Variants in PCNT observed in about 807,000 individuals in gnomAD.
The protein encoded by PCNT is pericentrin.
In PCNT, 319 loss-of-function variants were observed where a neutral mutation model predicts 380.4. The ratio of observed to expected loss-of-function variants is 0.84; its 90% confidence interval spans 0.77 to 0.92. The LOEUF (loss-of-function observed/expected upper bound fraction) is 0.92, where lower values mean the gene tolerates loss of function less well. Among genes scored for constraint, PCNT ranks in the 40% least tolerant of loss-of-function variants. The pLI is 0.00. For synonymous variants in PCNT, 1,845 were observed against 1,735.2 expected (o/e 1.06, Z -1.57); for missense variants, 4,400 against 4,255.3 (o/e 1.03, Z -0.95).
In PCNT at chr21:46,353,300, T is replaced by A; in HGVS notation, c.1653T>A (p.Asp551Glu). 1.9e-6 allele frequency: 3 copies of A among 1,614,156 alleles called. No individual in the cohort carries two copies. The highest frequency in any genetic ancestry group is 2.5e-6 in the Non-Finnish European group (3 of 1,180,024). Residue 551 changes from aspartate (D) to glutamate (E), a missense_variant, in exon 10 of 47, where the codon GAT becomes GAA. Transcript: ENST00000359568. ...LQQRLQGARE[D>E]ALLDSVEVGL... Reference sequence around the variant, plus strand: ...AGAGGCTGCAGGGGGCGAGGGAAGATGCTCTTCTGGACTCTGTGGAAGTTG... The same window carrying A: ...AGAGGCTGCAGGGGGCGAGGGAAGAAGCTCTTCTGGACTCTGTGGAAGTTG...
rs371517963 is a variant in PCNT, at chr21:46,412,896, C to T, written c.6054C>T (p.Gly2018=). The T allele has an allele frequency of 9.7e-5, 156 of 1,612,768 alleles. No individual in the cohort carries two copies. Among genetic ancestry groups the T allele is most frequent in the Non-Finnish European group, 9.5e-5 (112 of 1,179,998 alleles). The part of the protein sequence containing the change: ...LKDAPLCKQE[G]VMSVLTVCQR... ...ATGCACCTCTCTGCAAGCAAGAAGG[C>T]GTGATGTCAGTGCTCACCGTCTGCC... The change falls in exon 29 of 47, where the codon GGC becomes GGT. Residue 2018 remains glycine (G), a synonymous_variant. Transcript: ENST00000359568.
chr21:46,330,144 G>A (rs1052723722), intron 2 of PCNT, among the ~76,000 whole-genome samples: 5 of 152,050 alleles, frequency 3.3e-5, no homozygotes, highest in African/African-American at 1.2e-4. Flanking sequence ...TTGAGATAGG[G>A]TCTTGTTTTC....
Position 46,411,549 on chromosome 21 carries a change from G to T in PCNT, c.5476G>T (p.Gly1826Cys). ...ALEALQQRLQ[G>C]AEEAAELQLA... ...GGAGGCCCTGCAGCAGCGCCTCCAG[G>T]GCGCAGAGGAGGCTGCGGAGCTACA... The change falls in exon 28 of 47, where the codon GGC becomes TGC. Residue 1826 changes from glycine to cysteine, a missense_variant. By Grantham distance (159) the Gly-to-Cys change is radical. Transcript: ENST00000359568. The T allele has an allele frequency of 6.2e-7, 1 of 1,611,890 alleles. No homozygotes were observed. The highest frequency in any genetic ancestry group is 8.5e-7 in the Non-Finnish European group (1 of 1,179,284).
chr21:46,396,932 G>A (rs138611729), intron 21 of PCNT, among the ~76,000 whole-genome samples: 13 of 152,212 alleles, frequency 8.5e-5, no homozygotes, highest in Non-Finnish European at 1.5e-4. Flanking sequence ...CCGATGGGGC[G>A]TTTGCCTTTC....
chr21:46,427,499 C>A (rs1197345813), intron 33 of PCNT, 123 bp from the exon 34 acceptor site: 1 of 1,020,662 alleles, frequency 9.8e-7, no homozygotes, highest in Non-Finnish European at 1.5e-6. Context: ...TCTTAAGAGG[C>A]CTCATTTACC....
chr21:46,435,389 C>T (rs2053407088), intron 38 of PCNT, among the ~76,000 whole-genome samples: 1 of 151,932 alleles, frequency 6.6e-6, no homozygotes, highest in Non-Finnish European at 1.5e-5. Flanking sequence ...CCACGCCCAG[C>T]TAATTTTTAT....
At chr21:46,417,547 GAGTT>G (rs2087081361) in intron 30 of PCNT, among the ~76,000 whole-genome samples, 5 of 150,442 alleles carry the variant, frequency 3.3e-5, no homozygotes. Context: ...TTTAATTTAT[GAGTT>G]AGATCGTATT....
intron 15 of PCNT, among the ~76,000 whole-genome samples, chr21:46,375,551 A>G (rs1201231966): frequency 1.3e-5 from 2 of 152,224 alleles, no homozygotes; most frequent in Non-Finnish European, 2.9e-5. Flanking sequence ...AAAGAGTTTT[A>G]TTCCAGGCTA....
chr21:46,398,142 C>T lies in PCNT; in HGVS notation c.4563+12C>T, dbSNP rs1349975772. The T allele has an allele frequency of 3.7e-6, 6 of 1,605,474 alleles. No homozygotes were observed. Among genetic ancestry groups the T allele is most frequent in the South Asian group, 1.1e-5 (1 of 90,152 alleles). ...CTCGCGACAGCCAGGTGAGTCAGTG[C>T]AGCGTGCAGTGCTGCTGGTTGCTGT... On this transcript the variant is annotated intron_variant, in intron 23 of 46. Coordinates refer to ENST00000359568, the MANE Select transcript of PCNT (RefSeq NM_006031.6).
chr21:46,422,233 C>A (rs2050249901), intron 32 of PCNT, 109 bp downstream of exon 32: 10 of 1,366,116 alleles, frequency 7.3e-6, no homozygotes, highest in Admixed American at 3.8e-5. Context: ...CCAGCTTTTC[C>A]TGGGTGCCTC....
At chr21:46,374,805 T>C (rs1455347520) in intron 15 of PCNT, among the ~76,000 whole-genome samples, 1 of 137,730 alleles carries the variant, frequency 7.3e-6, no homozygotes, top group Admixed American at 8.2e-5. Context: ...GCCAAGATCG[T>C]GCCGTTGCAC....
At chr21:46,431,409 G>C in intron 37 of PCNT, 120 bp from the exon 38 acceptor site, 3 of 1,567,986 alleles carry the variant, frequency 1.9e-6, no homozygotes, top group Non-Finnish European at 2.6e-6. Flanking sequence ...TGGCTAATAG[G>C]GTGCATTTCA....
At chr21:46,426,974 G>A (rs570915218) in intron 33 of PCNT, among the ~76,000 whole-genome samples, 3 of 152,270 alleles carry the variant, frequency 2.0e-5, no homozygotes, top group East Asian at 1.9e-4. Context: ...GCCTCCGCTC[G>A]CCCCTCCAGC....
intron 31 of PCNT, among the ~76,000 whole-genome samples, chr21:46,421,243 C>T (rs1160829035): frequency 6.6e-6 from 1 of 152,240 alleles, no homozygotes; most frequent in Non-Finnish European, 1.5e-5. Flanking sequence ...AGTGCTGCAG[C>T]CTCCGCTCCC....
At chr21:46,349,215 G>C (rs777446468) in intron 7 of PCNT, 29 bp downstream of exon 7, 1 of 1,587,718 alleles carries the variant, frequency 6.3e-7, no homozygotes, top group Non-Finnish European at 8.6e-7. Context: ...CAAGTTTGGA[G>C]TGGGACTGAA....
At chr21:46,342,417 A>AAATCAC (rs2083934110) in intron 3 of PCNT, among the ~76,000 whole-genome samples, 1 of 151,550 alleles carries the variant, frequency 6.6e-6, no homozygotes, top group Non-Finnish European at 1.5e-5. Flanking sequence ...TCCATACTGT[A>AAATCAC]TTTTTATAGT....
Position 46,440,207 on chromosome 21 carries a change from G to A in PCNT, c.9393+5G>A. On this transcript the variant is annotated splice_donor_5th_base_variant and intron_variant, in intron 42 of 46. Coordinates refer to ENST00000359568, the MANE Select transcript of PCNT (RefSeq NM_006031.6). ...GCACACACCAGCAATGTCAAGGTAG[G>A]AACGGTGCCACGAGTATAGAACTTT... The A allele has an allele frequency of 8.7e-6, 14 of 1,614,008 alleles. No individual in the cohort carries two copies. The highest frequency in any genetic ancestry group is 1.7e-4 in the Middle Eastern group (1 of 6,060).
chr21:46,378,293 T>C (rs1360013171), intron 15 of PCNT, among the ~76,000 whole-genome samples: 1 of 152,168 alleles, frequency 6.6e-6, no homozygotes, highest in Non-Finnish European at 1.5e-5. Context: ...CCCTGTGGTG[T>C]CTCTGGCATA....
intron 7 of PCNT, 90 bp downstream of exon 7, chr21:46,349,276 T>G: frequency 9.3e-7 from 1 of 1,075,142 alleles, no homozygotes; most frequent in African/African-American, 1.6e-5. Flanking sequence ...CATGCGTCAT[T>G]GCGCACGTTT....
Sources: allele counts gnomAD v4.1 joint callset (sites outside exome capture counted in the v4.1 genomes callset), GRCh38; gene constraint gnomAD v4.1.1; transcripts MANE v1.5; gene names NCBI Gene and HGNC (gene_info 2026-07-23, HGNC 2026-07-21).